SPIN1: variants seen among roughly 807,000 people sequenced by gnomAD.
SPIN1 encodes spindlin-1.
In SPIN1, 3 loss-of-function variants were observed where a neutral mutation model predicts 26.0. The observed-to-expected ratio is 0.12, with a 90% CI of 0.05 to 0.30. The LOEUF is 0.30. SPIN1 is among the 10% of genes least tolerant of loss of function. The pLI, the probability that SPIN1 is intolerant of heterozygous loss-of-function variation, is 1.00. For synonymous variants in SPIN1, 101 were observed against 116.5 expected, an observed-to-expected ratio of 0.87 and a Z score of 0.86; for missense variants, 126 against 333.4, an observed-to-expected ratio of 0.38 and a Z score of 4.84.
At chr9:88,466,612 G>A (rs925148282) in intron 4 of SPIN1, among the ~76,000 whole-genome samples, 2 of 151,960 alleles carry the variant, frequency 1.3e-5, no homozygotes, top group Non-Finnish European at 2.9e-5. Context: ...ACATGTTTAG[G>A]GTTTGCTGAT....
At chr9:88,409,822 A>G (rs1827398351) in intron 1 of SPIN1, among the ~76,000 whole-genome samples, 1 of 151,034 alleles carries the variant, frequency 6.6e-6, no homozygotes, top group South Asian at 2.1e-4. Context: ...TGGGCAACAG[A>G]TCGAGACTCC....
At position 88,401,252 on chromosome 9, in the gene SPIN1, C is replaced by A. The variant is rs528650974; in HGVS notation, c.-159+12714C>A. Among the ~76,000 whole-genome samples the A allele has an allele frequency of 4.6e-5, 7 of 151,986 alleles. No homozygotes were observed. The South Asian group carries it at 1.5e-3, about 32-fold the overall frequency. On this transcript the variant is annotated intron_variant, in intron 1 of 5. Coordinates refer to ENST00000375859, the MANE Select transcript of SPIN1 (RefSeq NM_006717.3). ...TTTTCATTATATCAGTGTTTGTGAT[C>A]GAGAAAAATTAGAAACAACTGTCCA...
intron 1 of SPIN1, among the ~76,000 whole-genome samples, chr9:88,408,198 A>G (rs1017937037): frequency 2.0e-5 from 3 of 151,526 alleles, no homozygotes; most frequent in Non-Finnish European, 4.4e-5. Flanking sequence ...TATTGAACCC[A>G]TGGTGGGATG....
Position 88,470,102 on chromosome 9 carries a change from G to C in SPIN1, c.589+1497G>C, listed in dbSNP as rs191373824. Among the ~76,000 whole-genome samples the C allele has an allele frequency of 3.9e-5, 6 of 152,242 alleles. No individual in the cohort carries two copies. The East Asian group carries it at 1.2e-3, about 29-fold the overall frequency. On this transcript the variant is annotated intron_variant, in intron 5 of 5. Transcript: ENST00000375859. ...CCTTTGTGCTAGCTTCTTTCCCTTA[G>C]CATATTTTGAGATTTCATTCACGCT...
chr9:88,441,921 T>C (rs1376239232), intron 2 of SPIN1, among the ~76,000 whole-genome samples: 1 of 149,354 alleles, frequency 6.7e-6, no homozygotes, highest in African/African-American at 2.5e-5. Flanking sequence ...GTTTTTCCTT[T>C]ATATAGATCT....
intron 1 of SPIN1, among the ~76,000 whole-genome samples, chr9:88,420,066 A>G (rs1371985356): frequency 6.6e-6 from 1 of 152,226 alleles, no homozygotes; most frequent in Non-Finnish European, 1.5e-5. Flanking sequence ...CAAAAGGATC[A>G]CAGTCAAGTT....
chr9:88,439,383 A>G lies in SPIN1; in HGVS notation c.53-9558A>G, dbSNP rs977063739. On this transcript the variant is annotated intron_variant, in intron 2 of 5. Transcript: ENST00000375859. Reference sequence around the variant, plus strand: ...GACACCTTTGCTTTCTGATACTTCAATGAGTATAAACTTTGTTTCATGCAC... The same window carrying G: ...GACACCTTTGCTTTCTGATACTTCAGTGAGTATAAACTTTGTTTCATGCAC... Among the ~76,000 whole-genome samples, 6 of 152,208 alleles carry G rather than the reference A, an allele frequency of 3.9e-5. No homozygotes were observed. In the East Asian group the frequency reaches 7.7e-4, roughly 19 times the overall value.
At chr9:88,427,126 A>T (rs1827778238) in intron 2 of SPIN1, among the ~76,000 whole-genome samples, 1 of 152,224 alleles carries the variant, frequency 6.6e-6, no homozygotes, top group African/African-American at 2.4e-5. Context: ...AAAATCTTAT[A>T]GAATACCCTA....
At chr9:88,411,865 A>G (rs1827453266) in intron 1 of SPIN1, among the ~76,000 whole-genome samples, 2 of 152,044 alleles carry the variant, frequency 1.3e-5, no homozygotes, top group Non-Finnish European at 2.9e-5. Flanking sequence ...AGAAGTCAAG[A>G]AAATAGTTCA....
intron 1 of SPIN1, among the ~76,000 whole-genome samples, chr9:88,405,259 C>T (rs1317434630): frequency 2.0e-5 from 3 of 152,112 alleles, no homozygotes; most frequent in East Asian, 1.9e-4. Context: ...GACAGGGTCT[C>T]GCTCTGTCTC....
rs1827158356 is a variant in SPIN1 at position 88,400,246 on chromosome 9, A to C, written c.-159+11708A>C. 2.0e-5 allele frequency among the ~76,000 whole-genome samples: 3 copies of C among 152,140 alleles called. No individual in the cohort carries two copies. The South Asian group carries it at 6.2e-4, about 31-fold the overall frequency. ...GTGACCCATGAGAAAGGTATGCTGC[A>C]CTCTAAAAGATTGTATAGTTTTGCC... On this transcript the variant is annotated intron_variant, in intron 1 of 5. Transcript: ENST00000375859.
intron 4 of SPIN1, among the ~76,000 whole-genome samples, chr9:88,465,844 A>G (rs1010745110): frequency 4.6e-5 from 7 of 152,236 alleles, no homozygotes; most frequent in Admixed American, 1.3e-4. Context: ...TTTCAGTATC[A>G]TATCTTTGAG....
rs377589805 is a variant in SPIN1 at position 88,393,687 on chromosome 9, C to T, written c.-159+5149C>T. 3.1e-3 allele frequency among the ~76,000 whole-genome samples: 479 copies of T among 152,114 alleles called. 10 individuals are homozygous for T. In the South Asian group the frequency reaches 0.046, roughly 15 times the overall value. ...GGCCAGGATGGTCTCGATCTCTTGA[C>T]ATTGTGATCTGCCCGCCTCGGCCTC... On this transcript the variant is annotated intron_variant, in intron 1 of 5. Coordinates refer to ENST00000375859, the MANE Select transcript of SPIN1 (RefSeq NM_006717.3).
chr9:88,469,414 A>G (rs1331401863), intron 5 of SPIN1, among the ~76,000 whole-genome samples: 1 of 152,214 alleles, frequency 6.6e-6, no homozygotes, highest in Admixed American at 6.5e-5. Context: ...CAGTGTTTAG[A>G]CAGGTGATTT....
At chr9:88,436,815 A>C (rs530375960) in intron 2 of SPIN1, among the ~76,000 whole-genome samples, 1 of 120,056 alleles carries the variant, frequency 8.3e-6, no homozygotes, top group African/African-American at 3.0e-5. Context: ...CCCAGGCTGG[A>C]GTGCAGTGGC....
intron 1 of SPIN1, among the ~76,000 whole-genome samples, chr9:88,406,335 G>C (rs777922720): frequency 2.0e-5 from 3 of 150,294 alleles, no homozygotes; most frequent in African/African-American, 4.9e-5. Flanking sequence ...CTGTCACCCA[G>C]GCTGAGTTGC....
intron 3 of SPIN1, among the ~76,000 whole-genome samples, chr9:88,450,150 C>A (rs922505294): frequency 1.3e-5 from 2 of 152,142 alleles, no homozygotes; most frequent in Admixed American, 6.5e-5. Context: ...ATGGTTTTGC[C>A]ATACCCAGTG....
chr9:88,409,506 G>T (rs10123897), intron 1 of SPIN1, among the ~76,000 whole-genome samples: 29,091 of 151,672 alleles, frequency 0.19, 3,676 homozygotes, highest in African/African-American at 0.36. Context: ...TGGGAACACC[G>T]TGGTTCAGTT....
At chr9:88,401,281 A>T (rs1827180040) in intron 1 of SPIN1, among the ~76,000 whole-genome samples, 1 of 152,212 alleles carries the variant, frequency 6.6e-6, no homozygotes, top group Admixed American at 6.5e-5. Flanking sequence ...CTGTCCAATA[A>T]TGGAGTTAAG....
Sources: allele counts gnomAD v4.1 joint callset (sites outside exome capture counted in the v4.1 genomes callset), GRCh38; gene constraint gnomAD v4.1.1; transcripts MANE v1.5; gene names NCBI Gene and HGNC (gene_info 2026-07-23, HGNC 2026-07-21).